CNTLN: variants seen among roughly 807,000 people sequenced by gnomAD.
CNTLN encodes centlein.
CNTLN carries 212 observed loss-of-function variants against 180.0 expected under a neutral mutation model. The ratio of observed to expected loss-of-function variants is 1.18; its 90% CI spans 1.05 to 1.32. CNTLN has a LOEUF of 1.32. CNTLN is among the 40% of genes most tolerant of loss of function. The pLI is 0.00. For synonymous variants in CNTLN, 722 were observed against 563.1 expected, an observed-to-expected ratio of 1.28 and a Z score of -3.99; for missense variants, 2,095 against 1,610.9, an observed-to-expected ratio of 1.30 and a Z score of -5.14.
At position 17,288,218 on chromosome 9, in the gene CNTLN, C is replaced by G. The variant is rs1283939236; in HGVS notation, c.984-9972C>G. On this transcript the variant is annotated intron_variant, in intron 6 of 25. Transcript: ENST00000380647. Reference sequence around the variant, plus strand: ...TTCTGGTATGTTGTGTCTTTGTTCTCGTTGGTTTCAAAGAACATCTTTATT... The same window carrying G: ...TTCTGGTATGTTGTGTCTTTGTTCTGGTTGGTTTCAAAGAACATCTTTATT... 6.6e-5 allele frequency among the ~76,000 whole-genome samples: 8 copies of G among 121,454 alleles called. 1 individual carries two copies. The highest frequency in any genetic ancestry group is 1.6e-4 in the Admixed American group (2 of 12,454). The allele number at this position is 121,454 out of a possible 152,430, so 79.7% of individuals were successfully genotyped here. A position where few individuals can be genotyped will look rare whatever the true frequency, so the allele number is the denominator to read the frequency against.
chr9:17,446,989 C>T (rs770109746), intron 18 of CNTLN, among the ~76,000 whole-genome samples: 1 of 152,112 alleles, frequency 6.6e-6, no homozygotes. Flanking sequence ...AAAGTTATGG[C>T]CTCTTTTCAT....
chr9:17,433,316 G>A (rs879344582), intron 18 of CNTLN, among the ~76,000 whole-genome samples: 140 of 150,006 alleles, frequency 9.3e-4, no homozygotes, highest in African/African-American at 3.0e-3. Context: ...ATGGAGTCTC[G>A]TTCTGTCGCC....
At chr9:17,417,932 G>C in intron 18 of CNTLN, among the ~76,000 whole-genome samples, 1 of 151,850 alleles carries the variant, frequency 6.6e-6, no homozygotes, top group East Asian at 1.9e-4. Context: ...CTCAGTTACT[G>C]CATGGTTCAT....
chr9:17,321,242 C>T (rs139814157), intron 8 of CNTLN, among the ~76,000 whole-genome samples: 9 of 152,306 alleles, frequency 5.9e-5, no homozygotes, highest in African/African-American at 2.2e-4. Context: ...TTAATACTTT[C>T]TAGACCTTGT....
intron 8 of CNTLN, among the ~76,000 whole-genome samples, chr9:17,322,728 C>G (rs1820002826): frequency 6.6e-6 from 1 of 151,956 alleles, no homozygotes; most frequent in Non-Finnish European, 1.5e-5. Context: ...GCTTGTTTAG[C>G]TGCCTTTCCA....
At position 17,338,355 on chromosome 9, in the gene CNTLN, T is replaced by TTA. The variant is rs1554691993; in HGVS notation, c.1645-2472_1645-2471insTA. ...AATTTTTGTTTTTTTTTTTTTTTTT[T>TTA]AGAGATGGGGTTTCACTATATTGGC... is the stretch of plus-strand genomic sequence containing the variant. On this transcript the variant is annotated intron_variant, in intron 10 of 25. Coordinates refer to ENST00000380647, the MANE Select transcript of CNTLN (RefSeq NM_017738.4). 3.4e-5 allele frequency among the ~76,000 whole-genome samples: 5 copies of TTA among 147,576 alleles called. No individual in the cohort carries two copies. The South Asian group carries it at 6.4e-4, about 19-fold the overall frequency.
At chr9:17,469,365 C>G (rs1477017940) in intron 23 of CNTLN, among the ~76,000 whole-genome samples, 1 of 151,700 alleles carries the variant, frequency 6.6e-6, no homozygotes, top group Non-Finnish European at 1.5e-5. Context: ...GGTACCATGT[C>G]TGCTGTATAA....
intron 15 of CNTLN, among the ~76,000 whole-genome samples, chr9:17,400,084 A>G (rs1307424128): frequency 6.6e-6 from 1 of 152,170 alleles, no homozygotes; most frequent in Non-Finnish European, 1.5e-5. Context: ...AGCCAAGAAC[A>G]TAAGTTGGAT....
At position 17,236,689 on chromosome 9, in the gene CNTLN, C is replaced by A. The variant is rs908234908; in HGVS notation, c.849+101C>A. 17 of 871,268 alleles carry A rather than the reference C, an allele frequency of 2.0e-5. No homozygotes were observed. The South Asian group carries it at 3.2e-4, about 16-fold the overall frequency. 54.0% of individuals were successfully genotyped at this position (871,268 alleles called of 1,614,324 possible). ...CTTTAACAACTTATATATTCATATCCACCAGTGGGGACTAGCATTAATTTA... is the reference window on the plus strand; with the variant it reads ...CTTTAACAACTTATATATTCATATCAACCAGTGGGGACTAGCATTAATTTA... On this transcript the variant is annotated intron_variant, in intron 5 of 25. Coordinates refer to ENST00000380647, the MANE Select transcript of CNTLN (RefSeq NM_017738.4).
At chr9:17,402,647 A>G (rs889098344) in intron 15 of CNTLN, among the ~76,000 whole-genome samples, 1 of 151,882 alleles carries the variant, frequency 6.6e-6, no homozygotes, top group Admixed American at 6.6e-5. Flanking sequence ...AATAGAATAT[A>G]AAGAATGGCC....
intron 3 of CNTLN, among the ~76,000 whole-genome samples, chr9:17,227,471 A>G (rs1277132453): frequency 2.0e-5 from 3 of 152,040 alleles, no homozygotes; most frequent in Non-Finnish European, 4.4e-5. Context: ...TAATATCGTT[A>G]TATAATATTT....
chr9:17,440,487 G>C (rs1244400896), intron 18 of CNTLN, among the ~76,000 whole-genome samples: 6 of 151,082 alleles, frequency 4.0e-5, no homozygotes, highest in Admixed American at 3.3e-4. Context: ...TATTCGAGAG[G>C]CTGAGGCAGG....
rs1249590915 is a variant in CNTLN at position 17,273,827 on chromosome 9, C to A, written c.944C>A (p.Thr315Asn). The change falls in exon 6 of 26, where the codon ACT (threonine) becomes AAT (asparagine). Residue 315 changes from threonine to asparagine, a missense_variant. Physicochemically the swap from Thr to Asn is moderately conservative, Grantham distance 65. Transcript: ENST00000380647. ...ALSLQLSNKQ[T>N]ELIQKDMDIT... ...TCATTACAGTTGAGTAATAAACAGA[C>A]TGAACTTATCCAGAAGGATATGGAT... The A allele has an allele frequency of 3.8e-6, 6 of 1,570,842 alleles. No individual in the cohort carries two copies. The highest frequency in any genetic ancestry group is 5.2e-6 in the Non-Finnish European group (6 of 1,162,938).
At chr9:17,253,281 A>C (rs977129083) in intron 5 of CNTLN, among the ~76,000 whole-genome samples, 3 of 151,608 alleles carry the variant, frequency 2.0e-5, no homozygotes, top group Admixed American at 2.0e-4. Flanking sequence ...TCAATTTTAG[A>C]ATTGTTTTTT....
chr9:17,163,586 T>C (rs957850815), intron 2 of CNTLN, among the ~76,000 whole-genome samples: 5 of 152,218 alleles, frequency 3.3e-5, no homozygotes, highest in African/African-American at 1.2e-4. Context: ...TTGTGCATAT[T>C]TTCCACAGTG....
At chr9:17,407,678 G>C (rs1303095145) in intron 15 of CNTLN, among the ~76,000 whole-genome samples, 13 of 152,142 alleles carry the variant, frequency 8.5e-5, no homozygotes, top group Non-Finnish European at 1.9e-4. Context: ...AATCTTACTT[G>C]AGTCTATAGT....
intron 16 of CNTLN, among the ~76,000 whole-genome samples, chr9:17,411,662 C>G (rs1036784102): frequency 6.6e-6 from 1 of 152,176 alleles, no homozygotes; most frequent in African/African-American, 2.4e-5. Context: ...TAGACTCTCA[C>G]ATAAGCATGA....
chr9:17,195,675 G>A (rs1020830082), intron 2 of CNTLN, among the ~76,000 whole-genome samples: 25 of 152,064 alleles, frequency 1.6e-4, no homozygotes, highest in African/African-American at 4.8e-4. Flanking sequence ...AGAGAGAATC[G>A]GGAAGGAAAA....
chr9:17,301,859 T>A, intron 7 of CNTLN: 1 of 970,292 alleles, frequency 1.0e-6, no homozygotes, highest in Non-Finnish European at 1.2e-6. Flanking sequence ...AATATTTCAC[T>A]TTTAAAAATG....
Sources: allele counts gnomAD v4.1 joint callset (sites outside exome capture counted in the v4.1 genomes callset), GRCh38; gene constraint gnomAD v4.1.1; transcripts MANE v1.5; gene names NCBI Gene and HGNC (gene_info 2026-07-23, HGNC 2026-07-21).